The following DYRK1A variants were observed in gnomAD, a reference collection of about 807,000 sequenced individuals.
DYRK1A encodes dual specificity tyrosine-phosphorylation-regulated kinase 1A.
Under a neutral mutation model 79.7 loss-of-function variants are expected in DYRK1A, and 9 were observed. The observed-to-expected ratio is 0.11, with a 90% CI of 0.07 to 0.20. DYRK1A has a LOEUF of 0.20. Ranked by LOEUF, DYRK1A falls within the 10% of genes least tolerant of loss-of-function variation. The probability of loss-of-function intolerance (pLI) is 1.00; values close to 1 mark genes in which losing one functional copy is unlikely to be tolerated. For synonymous variants in DYRK1A, 349 were observed against 329.7 expected (o/e 1.06, Z -0.63); for missense variants, 622 against 956.0 (o/e 0.65, Z 4.61).
At chr21:37,403,659 A>ATGTGTGTG (rs1481509376) in intron 1 of DYRK1A, among the ~76,000 whole-genome samples, 2 of 125,352 alleles carry the variant, frequency 1.6e-5, no homozygotes, top group African/African-American at 6.6e-5. Flanking sequence ...ATATATATAT[A>ATGTGTGTG]TATATGTGTG....
chr21:37,487,495 A>G (rs2052914367), intron 6 of DYRK1A: 1 of 152,188 alleles, frequency 6.6e-6, no homozygotes, highest in African/African-American at 2.4e-5. Flanking sequence ...CGTCAAGGAA[A>G]AAACTGTTAA....
chr21:37,514,369 T>C lies in DYRK1A; in HGVS notation c.*1838T>C, dbSNP rs887781661. ...GGTGTGACACTTTTGAGCGGTTGAA[T>C]TGGGAGAATGAAGATAAGTAATTTA... On this transcript the variant is annotated 3_prime_UTR_variant, in exon 12 of 12. Coordinates refer to ENST00000647188, the MANE Select transcript of DYRK1A (RefSeq NM_001347721.2). 6.6e-6 allele frequency: 1 copy of C among 152,602 alleles called. No homozygotes were observed. The highest frequency in any genetic ancestry group is 1.9e-4 in the East Asian group (1 of 5,196). 9.5% of individuals were successfully genotyped at this position (152,602 alleles called of 1,614,324 possible). A position where few individuals can be genotyped will look rare whatever the true frequency, so the allele number is the denominator to read the frequency against.
chr21:37,495,941 A>G, intron 8 of DYRK1A, 177 bp from the exon 9 acceptor site: 1 of 538,912 alleles, frequency 1.9e-6, no homozygotes, highest in Non-Finnish European at 3.3e-6. Context: ...TCTGTGGGGT[A>G]TTTGACTCAA....
intron 9 of DYRK1A, among the ~76,000 whole-genome samples, chr21:37,496,727 A>G (rs778819913): frequency 3.9e-5 from 6 of 152,062 alleles, no homozygotes; most frequent in Non-Finnish European, 7.4e-5. Flanking sequence ...TTTTCCAAGG[A>G]TATTAACTGA....
intron 5 of DYRK1A, among the ~76,000 whole-genome samples, chr21:37,484,739 T>C (rs1380530897): frequency 6.6e-6 from 1 of 152,176 alleles, no homozygotes; most frequent in Non-Finnish European, 1.5e-5. Flanking sequence ...TGCTCATAGT[T>C]AGGTTTTTCT....
At chr21:37,428,189 T>TA (rs772283348) in intron 2 of DYRK1A, among the ~76,000 whole-genome samples, 5 of 152,212 alleles carry the variant, frequency 3.3e-5, no homozygotes, top group Non-Finnish European at 4.4e-5. Flanking sequence ...TAGGGATACT[T>TA]ACTGTTACTT....
intron 5 of DYRK1A, among the ~76,000 whole-genome samples, chr21:37,485,494 A>G (rs1415627916): frequency 2.0e-5 from 3 of 152,228 alleles, no homozygotes; most frequent in Non-Finnish European, 4.4e-5. Context: ...TGAAGATCTG[A>G]GAACATACGT....
At chr21:37,428,330 C>G (rs1818901410) in intron 2 of DYRK1A, among the ~76,000 whole-genome samples, 2 of 149,498 alleles carry the variant, frequency 1.3e-5, no homozygotes, top group African/African-American at 5.1e-5. Context: ...AACAGATTCT[C>G]AAATCTATGT....
intron 2 of DYRK1A, among the ~76,000 whole-genome samples, chr21:37,443,055 C>G (rs2051155911): frequency 6.6e-6 from 1 of 152,106 alleles, no homozygotes; most frequent in Admixed American, 6.5e-5. Flanking sequence ...CCAGGCTGGT[C>G]TCAAGGGAGC....
intron 7 of DYRK1A, among the ~76,000 whole-genome samples, chr21:37,491,320 A>G (rs1012989596): frequency 6.6e-6 from 1 of 152,158 alleles, no homozygotes; most frequent in African/African-American, 2.4e-5. Flanking sequence ...GAAAGGAATT[A>G]GTGTCACCAT....
intron 1 of DYRK1A, among the ~76,000 whole-genome samples, chr21:37,371,820 G>C (rs891516960): frequency 6.6e-6 from 1 of 152,100 alleles, no homozygotes; most frequent in African/African-American, 2.4e-5. Context: ...GCTTAACATA[G>C]AATGAAACTG....
In DYRK1A at chr21:37,366,988, C is replaced by T; in HGVS notation, c.-717C>T. On this transcript the variant is annotated 5_prime_UTR_variant, in exon 1 of 12. Transcript: ENST00000647188. ...CACCCCGAGCGGGGGGTGCGGGCGCCGCCGCCGCCGCTTCTGCTGCTGCTG... is the reference window on the plus strand; with the variant it reads ...CACCCCGAGCGGGGGGTGCGGGCGCTGCCGCCGCCGCTTCTGCTGCTGCTG... 2 of 164,020 alleles carry T rather than the reference C, an allele frequency of 1.2e-5. No individual in the cohort carries two copies. Among genetic ancestry groups the T allele is most frequent in the South Asian group, 1.3e-4 (1 of 7,854 alleles). 10.2% of individuals were successfully genotyped at this position (164,020 alleles called of 1,614,324 possible). A position where few individuals can be genotyped will look rare whatever the true frequency, so the allele number is the denominator to read the frequency against.
At chr21:37,500,072 A>G (rs896743614) in intron 9 of DYRK1A, among the ~76,000 whole-genome samples, 73 of 152,328 alleles carry the variant, frequency 4.8e-4, no homozygotes, top group African/African-American at 1.7e-3. Context: ...GCGTATACTG[A>G]GGGATGACTG....
In DYRK1A at chr21:37,496,018, C is replaced by T. The variant is rs370743632; in HGVS notation, c.1072-100C>T. ...TGGATGTCTAGAGGAGTGCCAGACA[C>T]ACAGGAGGTGTGCAATTTATTTATG... On this transcript the variant is annotated intron_variant, in intron 8 of 11. Transcript: ENST00000647188. The T allele has an allele frequency of 7.8e-5, 92 of 1,182,830 alleles. 1 individual carries two copies. The South Asian group carries it at 1.1e-3, about 14-fold the overall frequency. 73.3% of individuals were successfully genotyped at this position (1,182,830 alleles called of 1,614,324 possible).
intron 2 of DYRK1A, among the ~76,000 whole-genome samples, chr21:37,428,564 A>G (rs2050690161): frequency 6.6e-6 from 1 of 152,012 alleles, no homozygotes; most frequent in Non-Finnish European, 1.5e-5. Context: ...ACAAGCAAAT[A>G]GGAGTTGTGA....
intron 11 of DYRK1A, among the ~76,000 whole-genome samples, chr21:37,507,904 A>T (rs2053643458): frequency 6.6e-6 from 1 of 151,930 alleles, no homozygotes; most frequent in Non-Finnish European, 1.5e-5. Context: ...GGCCTTTCTA[A>T]TTGTTTACTA....
At chr21:37,441,594 A>C (rs1188703396) in intron 2 of DYRK1A, among the ~76,000 whole-genome samples, 1 of 152,006 alleles carries the variant, frequency 6.6e-6, no homozygotes, top group Non-Finnish European at 1.5e-5. Flanking sequence ...TCTTTATCTT[A>C]TCACAGTCTA....
intron 5 of DYRK1A, among the ~76,000 whole-genome samples, chr21:37,482,216 G>A (rs2052669411): frequency 7.1e-6 from 1 of 140,382 alleles, no homozygotes. Context: ...AAAACAGAAA[G>A]TGTTCTGTAT....
rs2053922412 is a variant in DYRK1A at position 37,519,914 on chromosome 21, TTTG to T, written c.*7385_*7387del. 6.6e-6 allele frequency: 1 copy of T among 151,972 alleles called. No individual in the cohort carries two copies. The highest frequency in any genetic ancestry group is 1.5e-5 in the Non-Finnish European group (1 of 68,076). The allele number at this position is 151,972 out of a possible 1,614,324, so 9.4% of individuals were successfully genotyped here. On this transcript the variant is annotated 3_prime_UTR_variant, in exon 12 of 12. Transcript: ENST00000647188. ...CCGCCACCACGCCCGGCTAATTTTT[TTTG>T]TGTATTTTTAGTAGAGATGGGGTTT...
Sources: gnomAD v4.1 joint callset for allele counts (sites outside exome capture counted in the v4.1 genomes callset) on GRCh38, gnomAD v4.1.1 for gene constraint, MANE v1.5 for transcripts, NCBI Gene and HGNC (gene_info 2026-07-23, HGNC 2026-07-21) for gene names.